The following BOLL variants were observed in gnomAD, a reference collection of about 807,000 sequenced individuals.
The protein encoded by BOLL is boule RNA binding protein, also known as protein boule-like.
In BOLL, 23 loss-of-function variants were observed where a neutral mutation model predicts 44.4. That is an observed-to-expected ratio of 0.52 (90% CI 0.37 to 0.73). BOLL has a LOEUF of 0.73. BOLL is among the 30% of genes least tolerant of loss of function. BOLL has a pLI of 0.00. For missense variants in BOLL, 287 were observed against 338.3 expected (o/e 0.85, Z 1.19); for synonymous variants, 97 against 110.8 (o/e 0.88, Z 0.78).
intron 5 of BOLL, among the ~76,000 whole-genome samples, chr2:197,775,098 TTAATAAG>T (rs1249062397): frequency 6.6e-6 from 1 of 151,810 alleles, no homozygotes; most frequent in African/African-American, 2.4e-5. Context: ...GATGCCTAAC[TTAATAAG>T]TAGAAAGAGT....
chr2:197,752,417 A>C lies in BOLL; in HGVS notation c.729+4011T>G, dbSNP rs1368055718. Reference sequence around the variant, plus strand: ...TAGAAAACCCCATCATCTCAGCCCCAAAACTCCTTAAACTGATAAGAAACT... The same window carrying C: ...TAGAAAACCCCATCATCTCAGCCCCCAAACTCCTTAAACTGATAAGAAACT... On this transcript the variant is annotated intron_variant, in intron 9 of 10. Coordinates refer to ENST00000392296, the MANE Select transcript of BOLL (RefSeq NM_033030.6). Among the ~76,000 whole-genome samples, 3 of 152,340 alleles carry C rather than the reference A, an allele frequency of 2.0e-5. No individual in the cohort carries two copies. The East Asian group carries it at 5.8e-4, about 29-fold the overall frequency.
intron 6 of BOLL, among the ~76,000 whole-genome samples, chr2:197,768,615 C>T (rs1574853864): frequency 6.6e-6 from 1 of 151,194 alleles, no homozygotes; most frequent in East Asian, 1.9e-4. Context: ...TTAGTCGATA[C>T]ATAAATTCAA....
chr2:197,734,544 G>T (rs985383855), intron 10 of BOLL, among the ~76,000 whole-genome samples: 7 of 152,146 alleles, frequency 4.6e-5, no homozygotes, highest in Non-Finnish European at 8.8e-5. Context: ...CAATAGCAAA[G>T]ACTTGGAACC....
chr2:197,743,755 T>C (rs954968789), intron 9 of BOLL, among the ~76,000 whole-genome samples: 1 of 152,178 alleles, frequency 6.6e-6, no homozygotes, highest in African/African-American at 2.4e-5. Flanking sequence ...CTAATACATA[T>C]TAAATATTAT....
At chr2:197,777,579 T>C (rs1689578375) in intron 3 of BOLL, among the ~76,000 whole-genome samples, 1 of 151,946 alleles carries the variant, frequency 6.6e-6, no homozygotes, top group Admixed American at 6.6e-5. Flanking sequence ...TATTAGCACA[T>C]ATAACTGATA....
At chr2:197,757,093 A>C (rs1181466882) in intron 8 of BOLL, among the ~76,000 whole-genome samples, 1 of 152,164 alleles carries the variant, frequency 6.6e-6, no homozygotes, top group Non-Finnish European at 1.5e-5. Flanking sequence ...TTTCATGTTT[A>C]TACAGTACAC....
chr2:197,781,633 GTTATT>G (rs1187636232), intron 2 of BOLL, 84 bp downstream of exon 2: 2 of 1,206,284 alleles, frequency 1.7e-6, no homozygotes, highest in Non-Finnish European at 2.2e-6. Flanking sequence ...ATGCAAATAT[GTTATT>G]TTATAGTTGC....
chr2:197,738,873 T>C (rs756869878), intron 10 of BOLL, among the ~76,000 whole-genome samples: 2 of 152,188 alleles, frequency 1.3e-5, no homozygotes, highest in Non-Finnish European at 2.9e-5. Context: ...ATATTAGTAA[T>C]ATGTTCTAGA....
rs1687906036 is a variant in BOLL, at chr2:197,744,574, G to GA, written c.730-1416dup. 2.0e-5 allele frequency among the ~76,000 whole-genome samples: 3 copies of GA among 152,330 alleles called. No homozygotes were observed. In the South Asian group the frequency reaches 6.2e-4, roughly 32 times the overall value. On this transcript the variant is annotated intron_variant, in intron 9 of 10. Coordinates refer to ENST00000392296, the MANE Select transcript of BOLL (RefSeq NM_033030.6). ...AGACTTCAGCAGGTGAGGAGTGAAT[G>GA]AGTAGTGAAGTAGCAGAAATTCTGA...
chr2:197,763,283 C>T (rs1371356296), intron 7 of BOLL, among the ~76,000 whole-genome samples: 1 of 151,982 alleles, frequency 6.6e-6, no homozygotes, highest in Non-Finnish European at 1.5e-5. Context: ...GAGATCGAGA[C>T]CATCCTGGCT....
chr2:197,733,647 A>T (rs1291125353), intron 10 of BOLL, among the ~76,000 whole-genome samples: 1 of 152,178 alleles, frequency 6.6e-6, no homozygotes, highest in Admixed American at 6.5e-5. Context: ...GAGCCCTCAG[A>T]AATAATGCCA....
Position 197,785,224 on chromosome 2 carries a change from G to C in BOLL, c.-184C>G, listed in dbSNP as rs920671615. The C allele has an allele frequency of 1.0e-6, 1 of 985,822 alleles. No individual in the cohort carries two copies. Among genetic ancestry groups the C allele is most frequent in the African/African-American group, 1.7e-5 (1 of 57,258 alleles). 61.1% of individuals were successfully genotyped at this position (985,822 alleles called of 1,614,324 possible). On this transcript the variant is annotated 5_prime_UTR_variant, in exon 1 of 11. Transcript: ENST00000392296. This position sits in a 1 kb window ranked among gnomAD's most constrained non-coding sequence, Gnocchi z 6.7. ...CACCAAAGTGCGGGAGGGAAAAGAA[G>C]GCTAGCCAGCGAGAAATTTTGCCCC...
At chr2:197,759,630 C>T (rs971745616) in intron 7 of BOLL, among the ~76,000 whole-genome samples, 2 of 152,162 alleles carry the variant, frequency 1.3e-5, no homozygotes, top group Non-Finnish European at 2.9e-5. Flanking sequence ...GAACCTGAGG[C>T]TCAAGATTGG....
chr2:197,752,857 G>A (rs1056691676), intron 9 of BOLL, among the ~76,000 whole-genome samples: 1 of 152,168 alleles, frequency 6.6e-6, no homozygotes, highest in African/African-American at 2.4e-5. Context: ...ACAATCCTAA[G>A]TGAAAAGAAC....
At chr2:197,732,547 T>G (rs1687242606) in intron 10 of BOLL, among the ~76,000 whole-genome samples, 1 of 151,664 alleles carries the variant, frequency 6.6e-6, no homozygotes. Flanking sequence ...TGAACATTGA[T>G]GCAAAAATCC....
Position 197,771,865 on chromosome 2 carries a change from G to T in BOLL, c.470C>A (p.Pro157Gln), listed in dbSNP as rs762441343. Residue 157 changes from proline to glutamine, a missense_variant, in exon 6 of 11, where the codon CCG (proline) becomes CAG (glutamine). Transcript: ENST00000392296. Reference protein sequence around the residue: ...FHTPEVTSVPPPWPSRSVCSS... With the variant: ...FHTPEVTSVPQPWPSRSVCSS... ...AATGAAATTACTTACAGGCCAAGGC[G>T]GTGGGACCGAAGTTACCTCTGGAGT... 8 of 1,583,610 alleles carry T rather than the reference G, an allele frequency of 5.1e-6. No homozygotes were observed. The Admixed American group carries it at 9.2e-5, about 18-fold the overall frequency.
In BOLL at chr2:197,785,316, A is replaced by C. The variant is rs1247935778; in HGVS notation, c.-276T>G. On this transcript the variant is annotated 5_prime_UTR_variant, in exon 1 of 11. Transcript: ENST00000392296. This position sits in a 1 kb window ranked among gnomAD's most constrained non-coding sequence, Gnocchi z 6.7. ...CGACCCCGCCGCTGGCCTCGTGCGC[A>C]GCTGGTCCCCACCCTCGCGCGGCGC... 5 of 985,560 alleles carry C rather than the reference A, an allele frequency of 5.1e-6. No homozygotes were observed. The highest frequency in any genetic ancestry group is 1.7e-5 in the African/African-American group (1 of 57,234). The allele number at this position is 985,560 out of a possible 1,614,324, so 61.1% of individuals were successfully genotyped here. A position where few individuals can be genotyped will look rare whatever the true frequency, so the allele number is the denominator to read the frequency against.
chr2:197,782,251 G>A (rs1386616474), intron 1 of BOLL, among the ~76,000 whole-genome samples: 4 of 152,134 alleles, frequency 2.6e-5, no homozygotes, highest in African/African-American at 9.7e-5. Context: ...GGCACTCACA[G>A]CTAGGCTGTG....
chr2:197,755,834 T>C (rs1055550792), intron 9 of BOLL: 1 of 152,216 alleles, frequency 6.6e-6, no homozygotes, highest in African/African-American at 2.4e-5. Context: ...CAAACCAACA[T>C]GGCACAGGTT....
Sources: allele counts gnomAD v4.1 joint callset (sites outside exome capture counted in the v4.1 genomes callset), GRCh38; gene constraint gnomAD v4.1.1; non-coding constraint Gnocchi (gnomAD v3.1); transcripts MANE v1.5; gene names NCBI Gene and HGNC (gene_info 2026-07-23, HGNC 2026-07-21).